AGAP1: variants seen among roughly 807,000 people sequenced by gnomAD.
The protein encoded by AGAP1 is arf-GAP with GTPase, ANK repeat and PH domain-containing protein 1.
AGAP1 carries 29 observed loss-of-function variants against 105.3 expected under a neutral mutation model. The ratio of observed to expected loss-of-function variants is 0.28; its 90% CI spans 0.21 to 0.38. The LOEUF (loss-of-function observed/expected upper bound fraction) is 0.38, where lower values mean the gene tolerates loss of function less well. Among genes scored for constraint, AGAP1 ranks in the 10% least tolerant of loss-of-function variants. The pLI, the probability that AGAP1 is intolerant of heterozygous loss-of-function variation, is 1.00. For synonymous variants in AGAP1, 509 were observed against 485.9 expected (o/e 1.05, Z -0.63); for missense variants, 998 against 1,165.1 (o/e 0.86, Z 2.09).
At position 235,553,865 on chromosome 2, in the gene AGAP1, CT is replaced by C. The variant is rs2149121118; in HGVS notation, c.163+59018del. Among the ~76,000 whole-genome samples the C allele has an allele frequency of 6.6e-6, 1 of 152,366 alleles. No individual in the cohort carries two copies. The highest frequency in any genetic ancestry group is 1.5e-5 in the Non-Finnish European group (1 of 68,042). ...TGATTCACTTGATAAGTGAAAGGAACTTCCACGTAAGGATCCCGAAGCACGG... is the reference window on the plus strand; with the variant it reads ...TGATTCACTTGATAAGTGAAAGGAACTCCACGTAAGGATCCCGAAGCACGG... On this transcript the variant is annotated intron_variant, in intron 1 of 17. Transcript: ENST00000304032. This position sits in a 1 kb window ranked among gnomAD's most constrained non-coding sequence, Gnocchi z 4.5.
At chr2:235,711,900 G>C (rs1276742093) in intron 2 of AGAP1, among the ~76,000 whole-genome samples, 3 of 152,192 alleles carry the variant, frequency 2.0e-5, no homozygotes, top group Non-Finnish European at 2.9e-5. Context: ...TGATGTCATG[G>C]CAAGCCTCCA....
rs1559567400 is a variant in AGAP1 at position 235,855,187 on chromosome 2, C to T, written c.1051-28158C>T. On this transcript the variant is annotated intron_variant, in intron 9 of 17. Transcript: ENST00000304032. The surrounding 1 kb of genome is among the most constrained non-coding windows in gnomAD (Gnocchi z 5.0). Reference sequence around the variant, plus strand: ...CATCAGGCCCCAGGTGGAAAATCGGCGTGGTGACGCATGTGCTGCCATCCC... The same window carrying T: ...CATCAGGCCCCAGGTGGAAAATCGGTGTGGTGACGCATGTGCTGCCATCCC... 6.6e-6 allele frequency among the ~76,000 whole-genome samples: 1 copy of T among 152,160 alleles called. No homozygotes were observed. The highest frequency in any genetic ancestry group is 6.5e-5 in the Admixed American group (1 of 15,278).
chr2:235,996,717 T>G (rs2055832671), intron 13 of AGAP1, among the ~76,000 whole-genome samples: 1 of 152,200 alleles, frequency 6.6e-6, no homozygotes, highest in Admixed American at 6.5e-5. Flanking sequence ...GCCAAGGGCC[T>G]GAAATCTGTG....
chr2:236,088,840 G>A (rs554627365), intron 16 of AGAP1, among the ~76,000 whole-genome samples: 34 of 152,196 alleles, frequency 2.2e-4, no homozygotes, highest in African/African-American at 7.5e-4. Flanking sequence ...AACCTATCAC[G>A]GTGCACTGCA....
In AGAP1 at chr2:235,633,487, G is replaced by A. The variant is rs1332287736; in HGVS notation, c.164-75692G>A. 1.3e-5 allele frequency among the ~76,000 whole-genome samples: 2 copies of A among 152,136 alleles called. No homozygotes were observed. Among genetic ancestry groups the A allele is most frequent in the East Asian group, 1.9e-4 (1 of 5,180 alleles). On this transcript the variant is annotated intron_variant, in intron 1 of 17. Coordinates refer to ENST00000304032, the MANE Select transcript of AGAP1 (RefSeq NM_001037131.3). This position sits in a 1 kb window ranked among gnomAD's most constrained non-coding sequence, Gnocchi z 4.8. ...CGGGCTCCTGTAATTCCAGCTACTC[G>A]GGGGCTAAAGCAGGAGAATCCCTCG...
In AGAP1 at chr2:236,131,574, C is replaced by T. The variant is rs2060084917; in HGVS notation, c.*7452C>T. On this transcript the variant is annotated 3_prime_UTR_variant, in exon 18 of 18. Transcript: ENST00000304032. This position sits in a 1 kb window ranked among gnomAD's most constrained non-coding sequence, Gnocchi z 5.9. ...TGATGCTTTATTTATATTGTTTGTA[C>T]TGTAATTAAAACCATTGACAGACAT... 1 of 151,982 alleles carries T rather than the reference C, an allele frequency of 6.6e-6. No homozygotes were observed. The highest frequency in any genetic ancestry group is 1.5e-5 in the Non-Finnish European group (1 of 68,002). The allele number at this position is 151,982 out of a possible 1,614,324, so 9.4% of individuals were successfully genotyped here.
At chr2:235,727,973 G>A (rs559144182) in intron 3 of AGAP1, among the ~76,000 whole-genome samples, 1 of 152,296 alleles carries the variant, frequency 6.6e-6, no homozygotes, top group East Asian at 1.9e-4. Context: ...AATGTGCAGA[G>A]CACACGTTCC....
chr2:236,085,527 C>T (rs1559260995), intron 16 of AGAP1, among the ~76,000 whole-genome samples: 1 of 152,370 alleles, frequency 6.6e-6, no homozygotes, highest in East Asian at 1.9e-4. Flanking sequence ...ACACAAAGAG[C>T]AACAAACACT....
chr2:235,763,922 G>A (rs1232507482), intron 6 of AGAP1, among the ~76,000 whole-genome samples: 2 of 152,212 alleles, frequency 1.3e-5, no homozygotes, highest in South Asian at 2.1e-4. Flanking sequence ...TCAGGCGGTT[G>A]CAAAGGTGGG....
chr2:235,603,420 C>T (rs1024704256), intron 1 of AGAP1, among the ~76,000 whole-genome samples: 11 of 152,172 alleles, frequency 7.2e-5, no homozygotes, highest in Admixed American at 4.6e-4. Context: ...TGCACCACTG[C>T]GGAACTGTGA....
chr2:235,666,240 A>G (rs1335652756), intron 1 of AGAP1, among the ~76,000 whole-genome samples: 1 of 152,182 alleles, frequency 6.6e-6, no homozygotes, highest in East Asian at 1.9e-4. Context: ...GATATGCTCC[A>G]TGGCATGAAA....
intron 2 of AGAP1, among the ~76,000 whole-genome samples, chr2:235,711,039 G>T (rs1009242249): frequency 2.0e-5 from 3 of 152,210 alleles, no homozygotes; most frequent in Admixed American, 1.3e-4. Flanking sequence ...GTGAGTAAGT[G>T]GGGGAGCTGA....
intron 12 of AGAP1, among the ~76,000 whole-genome samples, chr2:235,955,270 C>T (rs1429104221): frequency 6.6e-6 from 1 of 152,078 alleles, no homozygotes; most frequent in Non-Finnish European, 1.5e-5. Context: ...ACCCTGGGTG[C>T]GGGCCATCCT....
At chr2:235,844,852 C>T (rs1012070621) in intron 9 of AGAP1, among the ~76,000 whole-genome samples, 1 of 152,178 alleles carries the variant, frequency 6.6e-6, no homozygotes, top group African/African-American at 2.4e-5. Context: ...CGAGGGGGTG[C>T]CTCTTTTCTG....
rs1484637634 is a variant in AGAP1, at chr2:236,046,117, G to A, written c.1892-2942G>A. 1 of 441,924 alleles carries A rather than the reference G, an allele frequency of 2.3e-6. No homozygotes were observed. 27.4% of individuals were successfully genotyped at this position (441,924 alleles called of 1,614,324 possible). The stretch of plus-strand genomic sequence containing the variant: ...AACCCACAGCGGCATGGAGGGCGGT[G>A]GGGTGGGCATAGGAACCAAATCGGA... On this transcript the variant is annotated intron_variant, in intron 15 of 17. Coordinates refer to ENST00000304032, the MANE Select transcript of AGAP1 (RefSeq NM_001037131.3). The surrounding 1 kb of genome is among the most constrained non-coding windows in gnomAD (Gnocchi z 5.2).
intron 6 of AGAP1, among the ~76,000 whole-genome samples, chr2:235,794,687 G>A (rs1957161159): frequency 1.3e-5 from 2 of 152,216 alleles, no homozygotes; most frequent in South Asian, 4.1e-4. Context: ...GGCCAGGCTG[G>A]ACTCGAACTC....
At chr2:235,499,262 G>T (rs1467523146) in intron 1 of AGAP1, among the ~76,000 whole-genome samples, 2 of 152,182 alleles carry the variant, frequency 1.3e-5, no homozygotes, top group Non-Finnish European at 2.9e-5. Flanking sequence ...AGGCAAGAGG[G>T]TTTGAGAAGG....
intron 9 of AGAP1, among the ~76,000 whole-genome samples, chr2:235,856,033 C>T (rs906243474): frequency 2.3e-4 from 35 of 152,066 alleles, no homozygotes; most frequent in Non-Finnish European, 4.6e-4. Context: ...CCTACCTCGG[C>T]CTCTCGAGTA....
rs779694786 is a variant in AGAP1, at chr2:235,622,926, G to A, written c.164-86253G>A. Among the ~76,000 whole-genome samples the A allele has an allele frequency of 2.0e-5, 3 of 152,012 alleles. No homozygotes were observed. The highest frequency in any genetic ancestry group is 2.1e-4 in the South Asian group (1 of 4,810). On this transcript the variant is annotated intron_variant, in intron 1 of 17. Transcript: ENST00000304032. This position sits in a 1 kb window ranked among gnomAD's most constrained non-coding sequence, Gnocchi z 5.0. ...ACGGTCCTATTGGCATGAGAACCAC[G>A]TCCCCAGCTATTCCCACCTGCACAC... is the stretch of plus-strand genomic sequence containing the variant.
Sources: gnomAD v4.1 joint callset for allele counts (sites outside exome capture counted in the v4.1 genomes callset) on GRCh38, gnomAD v4.1.1 for gene constraint, Gnocchi (gnomAD v3.1) non-coding constraint, MANE v1.5 for transcripts, NCBI Gene and HGNC (gene_info 2026-07-23, HGNC 2026-07-21) for gene names.